Variants in TOX observed in about 807,000 individuals in gnomAD.
TOX encodes the protein thymocyte selection-associated high mobility group box protein TOX.
Under a neutral mutation model 53.7 loss-of-function variants are expected in TOX, and 11 were observed. That is an observed-to-expected ratio of 0.20 (90% CI 0.13 to 0.34). TOX has a LOEUF of 0.34. TOX is among the 10% of genes least tolerant of loss of function. TOX has a pLI of 1.00. For missense variants in TOX, 570 were observed against 664.6 expected, an observed-to-expected ratio of 0.86 and a Z score of 1.56; for synonymous variants, 225 against 245.3, an observed-to-expected ratio of 0.92 and a Z score of 0.77.
At chr8:59,090,711 C>A (rs923050414) in intron 1 of TOX, among the ~76,000 whole-genome samples, 2 of 152,214 alleles carry the variant, frequency 1.3e-5, no homozygotes, top group Admixed American at 6.5e-5. Context: ...CATCTCACAG[C>A]AACTGTTCCA....
At position 58,815,509 on chromosome 8, in the gene TOX, A is replaced by C; in HGVS notation, c.1221T>G (p.Thr407=). Residue 407 remains threonine, a synonymous_variant, in exon 7 of 9, where the codon ACT becomes ACG. Transcript: ENST00000361421. ...APKPNNQMPV[T]VSIANMAVSP... ...ACACAGCCATGTTTGCTATAGAGAC[A>C]GTCACTGGCATTTGGTTATTCGGCT... The C allele has an allele frequency of 1.2e-6, 2 of 1,614,060 alleles. No homozygotes were observed. The highest frequency in any genetic ancestry group is 1.7e-6 in the Non-Finnish European group (2 of 1,179,990).
chr8:58,946,260 GAGA>G (rs1252191539), intron 2 of TOX, among the ~76,000 whole-genome samples: 1 of 152,034 alleles, frequency 6.6e-6, no homozygotes, highest in Non-Finnish European at 1.5e-5. Context: ...AAATTAAACT[GAGA>G]AGTTTATTAG....
chr8:58,967,720 T>C (rs755991741), intron 1 of TOX, among the ~76,000 whole-genome samples: 2 of 152,200 alleles, frequency 1.3e-5, no homozygotes, highest in African/African-American at 2.4e-5. Context: ...CGATGAGTTG[T>C]TGCAAAGCTA....
intron 3 of TOX, among the ~76,000 whole-genome samples, chr8:58,909,314 C>T (rs533576264): frequency 6.6e-6 from 1 of 152,152 alleles, no homozygotes; most frequent in Admixed American, 6.5e-5. Flanking sequence ...ACCTATGTAA[C>T]AGGCCTGCAC....
intron 6 of TOX, 42 bp from the exon 7 acceptor site, chr8:58,815,766 T>C: frequency 1.3e-6 from 2 of 1,554,690 alleles, no homozygotes. Context: ...GGCTGATACA[T>C]GAGTGTTGAT....
At chr8:59,074,060 C>T (rs752282945) in intron 1 of TOX, among the ~76,000 whole-genome samples, 1 of 152,146 alleles carries the variant, frequency 6.6e-6, no homozygotes, top group Non-Finnish European at 1.5e-5. Flanking sequence ...ACCACGACCA[C>T]AAAATAAGTA....
chr8:58,847,280 C>A (rs530533434), intron 4 of TOX, among the ~76,000 whole-genome samples: 2 of 151,984 alleles, frequency 1.3e-5, no homozygotes, highest in African/African-American at 4.8e-5. Flanking sequence ...GGGTATAAAA[C>A]AAATATGTTG....
intron 1 of TOX, among the ~76,000 whole-genome samples, chr8:58,993,379 T>C (rs939535181): frequency 2.6e-5 from 4 of 152,170 alleles, no homozygotes; most frequent in African/African-American, 9.7e-5. Flanking sequence ...TGGATATTAA[T>C]AAAGTTGATG....
chr8:59,031,069 C>T (rs184843621), intron 1 of TOX, among the ~76,000 whole-genome samples: 5 of 152,280 alleles, frequency 3.3e-5, no homozygotes, highest in African/African-American at 7.2e-5. Context: ...CAATTTTCCA[C>T]TTTGGAGCCC....
At chr8:58,843,958 T>G (rs1351686275) in intron 4 of TOX, among the ~76,000 whole-genome samples, 1 of 152,244 alleles carries the variant, frequency 6.6e-6, no homozygotes, top group African/African-American at 2.4e-5. Context: ...TTGGCTCTTA[T>G]GACCACAAAC....
chr8:59,034,325 T>C (rs1234304026), intron 1 of TOX, among the ~76,000 whole-genome samples: 1 of 152,254 alleles, frequency 6.6e-6, no homozygotes, highest in African/African-American at 2.4e-5. Flanking sequence ...CACAAACTGC[T>C]ACCCAAATGC....
In TOX at chr8:59,118,854, G is replaced by C; in HGVS notation, c.102+32C>G. ...CTCCCCTCCCAGGATCAAGCAGCAA[G>C]AACACGGTGGAAACAAAAGCAGAGC... is the stretch of plus-strand genomic sequence containing the variant. On this transcript the variant is annotated intron_variant, in intron 1 of 8. Transcript: ENST00000361421. This position sits in a 1 kb window ranked among gnomAD's most constrained non-coding sequence, Gnocchi z 4.1. 6.6e-7 allele frequency: 1 copy of C among 1,526,664 alleles called. No individual in the cohort carries two copies. The highest frequency in any genetic ancestry group is 8.9e-7 in the Non-Finnish European group (1 of 1,121,786). The allele number at this position is 1,526,664 out of a possible 1,614,324, so 94.6% of individuals were successfully genotyped here.
rs137978013 is a variant in TOX, at chr8:59,049,474, C to T, written c.102+69412G>A. Among the ~76,000 whole-genome samples, 11 of 152,126 alleles carry T rather than the reference C, an allele frequency of 7.2e-5. No homozygotes were observed. In the East Asian group the frequency reaches 2.1e-3, roughly 29 times the overall value. ...TTGTATTTTTTAATATAGATTAAAACCAATGTGTTAATGATCATATCTACA... is the reference window on the plus strand; with the variant it reads ...TTGTATTTTTTAATATAGATTAAAATCAATGTGTTAATGATCATATCTACA... On this transcript the variant is annotated intron_variant, in intron 1 of 8. Coordinates refer to ENST00000361421, the MANE Select transcript of TOX (RefSeq NM_014729.3).
At chr8:58,974,912 T>C (rs1367762619) in intron 1 of TOX, among the ~76,000 whole-genome samples, 2 of 152,130 alleles carry the variant, frequency 1.3e-5, no homozygotes, top group Non-Finnish European at 2.9e-5. Flanking sequence ...CTATGTTCCA[T>C]ACGGTTCTTA....
intron 1 of TOX, among the ~76,000 whole-genome samples, chr8:59,086,843 G>T (rs1804520819): frequency 6.6e-6 from 1 of 152,194 alleles, no homozygotes; most frequent in African/African-American, 2.4e-5. Flanking sequence ...TGTAGCCATA[G>T]AAACTGACAC....
chr8:59,096,683 G>A (rs910794771), intron 1 of TOX, among the ~76,000 whole-genome samples: 3 of 152,206 alleles, frequency 2.0e-5, no homozygotes, highest in African/African-American at 7.2e-5. Context: ...TAGAGGCACA[G>A]AGTTTCATAG....
chr8:59,097,250 C>T (rs1471950732), intron 1 of TOX, among the ~76,000 whole-genome samples: 2 of 152,148 alleles, frequency 1.3e-5, no homozygotes. Flanking sequence ...CCACCAACTT[C>T]CATACCTGTC....
chr8:58,852,736 G>A (rs1031526457), intron 3 of TOX, among the ~76,000 whole-genome samples: 1 of 152,184 alleles, frequency 6.6e-6, no homozygotes, highest in South Asian at 2.1e-4. Flanking sequence ...GAGGGGAGCT[G>A]AGGAATTCAG....
intron 3 of TOX, among the ~76,000 whole-genome samples, chr8:58,852,862 T>C (rs1810849029): frequency 6.6e-6 from 1 of 152,190 alleles, no homozygotes; most frequent in South Asian, 2.1e-4. Context: ...CTTATTCTGT[T>C]TCATTAGAAA....
Sources: gnomAD v4.1 joint callset for allele counts (sites outside exome capture counted in the v4.1 genomes callset) on GRCh38, gnomAD v4.1.1 for gene constraint, Gnocchi (gnomAD v3.1) non-coding constraint, MANE v1.5 for transcripts, NCBI Gene and HGNC (gene_info 2026-07-23, HGNC 2026-07-21) for gene names.